Variants in ZMAT4 observed in about 807,000 individuals in gnomAD.
ZMAT4 encodes zinc finger matrin-type protein 4.
In ZMAT4, 17 loss-of-function variants were observed where a neutral mutation model predicts 28.7. That is an observed-to-expected ratio of 0.59 (90% CI 0.41 to 0.89). ZMAT4 has a LOEUF of 0.89. ZMAT4 is among the 40% of genes least tolerant of loss of function. The probability of loss-of-function intolerance (pLI) is 0.00; values close to 1 mark genes in which losing one functional copy is unlikely to be tolerated. For synonymous variants in ZMAT4, 117 were observed against 109.2 expected (o/e 1.07, Z -0.44); for missense variants, 240 against 283.8 (o/e 0.85, Z 1.11).
At chr8:40,768,748 T>C (rs1813267292) in intron 2 of ZMAT4, among the ~76,000 whole-genome samples, 1 of 152,204 alleles carries the variant, frequency 6.6e-6, no homozygotes, top group Admixed American at 6.5e-5. Context: ...ATCTGCATAA[T>C]ATTAAACATT....
At chr8:40,679,458 A>C (rs1349446702) in intron 4 of ZMAT4, among the ~76,000 whole-genome samples, 1 of 152,150 alleles carries the variant, frequency 6.6e-6, no homozygotes, top group East Asian at 1.9e-4. Flanking sequence ...GGGAGGCTTC[A>C]GGAAACTTAC....
At chr8:40,616,394 G>A (rs560590466) in intron 5 of ZMAT4, among the ~76,000 whole-genome samples, 21 of 152,230 alleles carry the variant, frequency 1.4e-4, no homozygotes, top group Middle Eastern at 3.4e-3. Flanking sequence ...GGGTATATAC[G>A]CAAAGGATTA....
chr8:40,579,696 A>C (rs1312091487), intron 6 of ZMAT4, among the ~76,000 whole-genome samples: 1 of 152,194 alleles, frequency 6.6e-6, no homozygotes, highest in Non-Finnish European at 1.5e-5. Context: ...GCTCCATTTC[A>C]TACTCCTGCT....
chr8:40,566,434 T>A (rs143772035), intron 6 of ZMAT4, among the ~76,000 whole-genome samples: 293 of 152,194 alleles, frequency 1.9e-3, no homozygotes, highest in African/African-American at 6.6e-3. Flanking sequence ...CCTATTACCT[T>A]TAGAAGGGGT....
intron 5 of ZMAT4, among the ~76,000 whole-genome samples, chr8:40,650,765 G>A (rs1362319810): frequency 1.4e-5 from 2 of 145,338 alleles, no homozygotes; most frequent in African/African-American, 5.1e-5. Context: ...TGCAAGGCTG[G>A]TTCAATATAC....
intron 5 of ZMAT4, among the ~76,000 whole-genome samples, chr8:40,631,088 T>C (rs1806560528): frequency 6.6e-6 from 1 of 152,180 alleles, no homozygotes; most frequent in South Asian, 2.1e-4. Flanking sequence ...ATGTGGCTCT[T>C]GGCTATCATA....
chr8:40,619,364 A>T (rs1806120529), intron 5 of ZMAT4, among the ~76,000 whole-genome samples: 1 of 152,182 alleles, frequency 6.6e-6, no homozygotes, highest in South Asian at 2.1e-4. Flanking sequence ...ATGTTTAAAA[A>T]ATAATAATAA....
At chr8:40,643,898 T>C (rs1807175822) in intron 5 of ZMAT4, among the ~76,000 whole-genome samples, 1 of 151,820 alleles carries the variant, frequency 6.6e-6, no homozygotes, top group African/African-American at 2.4e-5. Flanking sequence ...CCAAGGTTGA[T>C]AATTTTTAAG....
At chr8:40,804,765 C>T (rs923915758) in intron 2 of ZMAT4, among the ~76,000 whole-genome samples, 13 of 151,932 alleles carry the variant, frequency 8.6e-5, no homozygotes, top group South Asian at 6.2e-4. Flanking sequence ...TGCTTGAACC[C>T]GGGAGGTGGA....
chr8:40,575,428 A>T (rs926365148), intron 6 of ZMAT4, among the ~76,000 whole-genome samples: 3 of 151,974 alleles, frequency 2.0e-5, no homozygotes, highest in African/African-American at 7.3e-5. Flanking sequence ...CAGCTGACCC[A>T]CCAAGTGTAT....
intron 3 of ZMAT4, among the ~76,000 whole-genome samples, chr8:40,721,762 C>A (rs1811107702): frequency 6.6e-6 from 1 of 151,736 alleles, no homozygotes; most frequent in African/African-American, 2.4e-5. Context: ...TGTTTTTTGG[C>A]TGCATAAATG....
intron 5 of ZMAT4, among the ~76,000 whole-genome samples, chr8:40,609,669 T>C (rs1259908083): frequency 6.6e-6 from 1 of 152,090 alleles, no homozygotes; most frequent in African/African-American, 2.4e-5. Flanking sequence ...TAAGATTTTT[T>C]TTTTCTGGAT....
intron 5 of ZMAT4, among the ~76,000 whole-genome samples, chr8:40,610,199 G>A (rs534357619): frequency 3.0e-4 from 46 of 152,264 alleles, no homozygotes; most frequent in African/African-American, 8.9e-4. Context: ...AAAAGCTTTC[G>A]TTTATATAAT....
chr8:40,890,302 A>G (rs1310891083), intron 1 of ZMAT4, among the ~76,000 whole-genome samples: 2 of 152,152 alleles, frequency 1.3e-5, no homozygotes, highest in African/African-American at 2.4e-5. Flanking sequence ...TCCTTCTCCT[A>G]TAGTTTAAAC....
intron 5 of ZMAT4, among the ~76,000 whole-genome samples, chr8:40,583,377 G>T (rs1804557307): frequency 6.6e-6 from 1 of 152,172 alleles, no homozygotes; most frequent in African/African-American, 2.4e-5. Context: ...TATGAAAGAA[G>T]CTGATTTGAT....
At chr8:40,576,233 T>C (rs1363021969) in intron 6 of ZMAT4, among the ~76,000 whole-genome samples, 1 of 151,984 alleles carries the variant, frequency 6.6e-6, no homozygotes, top group African/African-American at 2.4e-5. Context: ...TGGGAAAATG[T>C]GTAGAAAACT....
chr8:40,622,980 G>T (rs1011665996), intron 5 of ZMAT4, among the ~76,000 whole-genome samples: 1 of 152,074 alleles, frequency 6.6e-6, no homozygotes, highest in Non-Finnish European at 1.5e-5. Context: ...AGTCCAAAAG[G>T]TTAGATAGTA....
intron 6 of ZMAT4, among the ~76,000 whole-genome samples, chr8:40,537,688 A>G (rs1451199901): frequency 6.6e-6 from 1 of 152,188 alleles, no homozygotes; most frequent in Non-Finnish European, 1.5e-5. Context: ...TGCTTTGCAA[A>G]ACGTTTTTCA....
intron 6 of ZMAT4, among the ~76,000 whole-genome samples, chr8:40,553,193 T>C (rs1359419346): frequency 1.3e-5 from 2 of 152,146 alleles, no homozygotes; most frequent in African/African-American, 4.8e-5. Flanking sequence ...CCCACAGCCG[T>C]GTGAGTGCAA....
Sources: gnomAD v4.1 joint callset for allele counts (sites outside exome capture counted in the v4.1 genomes callset) on GRCh38, gnomAD v4.1.1 for gene constraint, MANE v1.5 for transcripts, NCBI Gene and HGNC (gene_info 2026-07-23, HGNC 2026-07-21) for gene names.